Variants in TXNL4A observed in about 807,000 individuals in gnomAD.
The protein encoded by TXNL4A is thioredoxin-like protein 4A.
TXNL4A carries 17 observed loss-of-function variants against 14.6 expected under a neutral mutation model. The observed-to-expected ratio is 1.16, with a 90% confidence interval of 0.80 to 1.74. The LOEUF (loss-of-function observed/expected upper bound fraction) is 1.74, where lower values mean the gene tolerates loss of function less well. Ranked by LOEUF, TXNL4A falls within the 40% of genes most tolerant of loss-of-function variation. The pLI is 0.00. For synonymous variants in TXNL4A, 83 were observed against 70.6 expected, an observed-to-expected ratio of 1.18 and a Z score of -0.88; for missense variants, 74 against 195.2, an observed-to-expected ratio of 0.38 and a Z score of 3.70.
In TXNL4A at chr18:79,977,829, A is replaced by C; in HGVS notation, c.154-128T>G. 7.7e-6 allele frequency: 5 copies of C among 647,264 alleles called. No homozygotes were observed. In the South Asian group the frequency reaches 9.7e-5, roughly 13 times the overall value. 40.1% of individuals were successfully genotyped at this position (647,264 alleles called of 1,614,324 possible). A position where few individuals can be genotyped will look rare whatever the true frequency, so the allele number is the denominator to read the frequency against. On this transcript the variant is annotated intron_variant, in intron 1 of 2. Coordinates refer to ENST00000269601, the MANE Select transcript of TXNL4A (RefSeq NM_006701.5). ...GGGCAATTTTTGTTTTGTTTTTTTG[A>C]GACAGGGTCTCACTCTGTCATCCTA... is the stretch of plus-strand genomic sequence containing the variant.
chr18:79,986,824 A>C (rs2051556713), intron 1 of TXNL4A: 2 of 959,472 alleles, frequency 2.1e-6, no homozygotes, highest in Non-Finnish European at 1.2e-6. Flanking sequence ...ACTTATTGGG[A>C]AACTGCTCTT....
At chr18:80,022,681 G>A (rs2051857681) in intron 1 of TXNL4A, among the ~76,000 whole-genome samples, 2 of 152,180 alleles carry the variant, frequency 1.3e-5, no homozygotes, top group African/African-American at 4.8e-5. Flanking sequence ...TCTAGAGAGT[G>A]GGAGACAAGG....
rs2051401828 is a variant in TXNL4A, at chr18:79,977,814, T to G, written c.154-113A>C. 2.7e-5 allele frequency: 8 copies of G among 295,954 alleles called. No individual in the cohort carries two copies. The Admixed American group carries it at 3.2e-4, about 12-fold the overall frequency. The allele number at this position is 295,954 out of a possible 1,614,324, so 18.3% of individuals were successfully genotyped here. A position where few individuals can be genotyped will look rare whatever the true frequency, so the allele number is the denominator to read the frequency against. On this transcript the variant is annotated intron_variant, in intron 1 of 2. Transcript: ENST00000269601. ...AATTTGTGTGGATCAGGGCAATTTT[T>G]GTTTTGTTTTTTTGAGACAGGGTCT...
At chr18:80,013,139 G>A (rs1450993821) in intron 1 of TXNL4A, among the ~76,000 whole-genome samples, 1 of 95,276 alleles carries the variant, frequency 1.0e-5, no homozygotes, top group Non-Finnish European at 2.4e-5. Flanking sequence ...TTTTTTTTTT[G>A]AGACGGAGTC....
intron 1 of TXNL4A, among the ~76,000 whole-genome samples, chr18:80,023,689 T>C (rs2051864760): frequency 6.6e-6 from 1 of 152,244 alleles, no homozygotes; most frequent in South Asian, 2.1e-4. Flanking sequence ...TATTGAGGGA[T>C]AGAAGGGACC....
intron 1 of TXNL4A, among the ~76,000 whole-genome samples, chr18:80,029,952 C>G (rs2051910544): frequency 6.6e-6 from 1 of 152,156 alleles, no homozygotes; most frequent in African/African-American, 2.4e-5. Context: ...ATCTGCAACC[C>G]AGAGATTTTG....
chr18:80,005,492 G>A (rs2051723895), intron 1 of TXNL4A, among the ~76,000 whole-genome samples: 2 of 152,138 alleles, frequency 1.3e-5, no homozygotes, highest in African/African-American at 2.4e-5. Flanking sequence ...TGTTTTTCAG[G>A]AATAAAATAA....
chr18:79,998,306 A>G (rs2051676188), intron 1 of TXNL4A, among the ~76,000 whole-genome samples: 1 of 151,944 alleles, frequency 6.6e-6, no homozygotes, highest in Non-Finnish European at 1.5e-5. Flanking sequence ...AAAAAAAAAA[A>G]GAAAGAAACT....
At chr18:79,997,745 CCTT>C (rs1483439623) in intron 1 of TXNL4A, among the ~76,000 whole-genome samples, 7 of 152,174 alleles carry the variant, frequency 4.6e-5, no homozygotes, top group Admixed American at 6.5e-5. Context: ...ATGTAGGTGA[CCTT>C]CTTTGTTCAG....
chr18:80,009,131 T>A (rs1045507605), intron 1 of TXNL4A, among the ~76,000 whole-genome samples: 10 of 152,194 alleles, frequency 6.6e-5, no homozygotes, highest in African/African-American at 2.4e-4. Context: ...AGGAAGACAA[T>A]CCTGTATTTA....
At chr18:79,978,668 A>G (rs1214865545) in intron 1 of TXNL4A, among the ~76,000 whole-genome samples, 1 of 151,784 alleles carries the variant, frequency 6.6e-6, no homozygotes, top group African/African-American at 2.4e-5. Flanking sequence ...TAATTTTTGT[A>G]TTTTTTGTAG....
At chr18:80,006,909 T>C (rs2051735041) in intron 1 of TXNL4A, among the ~76,000 whole-genome samples, 2 of 152,242 alleles carry the variant, frequency 1.3e-5, no homozygotes, top group Admixed American at 1.3e-4. Flanking sequence ...AATCTTTTTA[T>C]GCAAATGGAG....
chr18:79,983,232 C>T (rs961509993), intron 1 of TXNL4A, among the ~76,000 whole-genome samples: 9 of 152,190 alleles, frequency 5.9e-5, no homozygotes, highest in Non-Finnish European at 1.2e-4. Context: ...AACTCTTGAC[C>T]TCAGATGATT....
At chr18:80,024,198 A>AC (rs1017956346) in intron 1 of TXNL4A, among the ~76,000 whole-genome samples, 27 of 151,506 alleles carry the variant, frequency 1.8e-4, no homozygotes, top group African/African-American at 3.9e-4. Context: ...AAAAAAAAAA[A>AC]AACTCCCTTT....
intron 1 of TXNL4A, among the ~76,000 whole-genome samples, chr18:79,987,335 T>C (rs1348222708): frequency 6.6e-6 from 1 of 152,254 alleles, no homozygotes; most frequent in Admixed American, 6.5e-5. Flanking sequence ...AATATGTCCT[T>C]ACATCTGTTA....
rs569611985 is a variant in TXNL4A at position 80,004,605 on chromosome 18, C to T, written c.-60-26904G>A. Among the ~76,000 whole-genome samples the T allele has an allele frequency of 3.3e-5, 5 of 152,190 alleles. No individual in the cohort carries two copies. In the East Asian group the frequency reaches 9.6e-4, roughly 29 times the overall value. ...AAAGTAAGTGCCAGGCCCTCGGCTT[C>T]GTGAAAGGGGTGGGTGGGCAGGTCA... On this transcript the variant is annotated intron_variant, in intron 1 of 2. Transcript: ENST00000585474.
In TXNL4A at chr18:80,024,876, G is replaced by A. The variant is rs558841117; in HGVS notation, c.-61+8975C>T. Among the ~76,000 whole-genome samples the A allele has an allele frequency of 5.3e-5, 8 of 152,264 alleles. No individual in the cohort carries two copies. The East Asian group carries it at 9.6e-4, about 18-fold the overall frequency. On this transcript the variant is annotated intron_variant, in intron 1 of 2. Coordinates refer to the TXNL4A transcript ENST00000585474. ...TCTGCAAGCAGCACATTTTGGGTCC[G>A]ACATATGTCCCGACTTCATCAAATC...
chr18:79,988,670 C>T (rs1044136130), upstream of TXNL4A: 8 of 266,818 alleles, frequency 3.0e-5, 1 homozygote, highest in South Asian at 3.3e-4. Flanking sequence ...TGTAGTTGGC[C>T]GGGTGGAGCG....
chr18:79,986,518 C>G (rs1020296583), intron 1 of TXNL4A: 4 of 941,630 alleles, frequency 4.2e-6, no homozygotes, highest in Admixed American at 6.2e-5. Flanking sequence ...ACTAGTGATA[C>G]AGTGATTCAT....
Sources: gnomAD v4.1 joint callset for allele counts (sites outside exome capture counted in the v4.1 genomes callset) on GRCh38, gnomAD v4.1.1 for gene constraint, MANE v1.5 for transcripts, NCBI Gene and HGNC (gene_info 2026-07-23, HGNC 2026-07-21) for gene names.